The following RASA1 variants were observed in gnomAD, a reference collection of about 807,000 sequenced individuals.
RASA1 encodes ras GTPase-activating protein 1.
Under a neutral mutation model 132.2 loss-of-function variants are expected in RASA1, and 25 were observed. That is an observed-to-expected ratio of 0.19 (90% CI 0.14 to 0.26). The LOEUF is 0.26. RASA1 is among the 10% of genes least tolerant of loss of function. RASA1 has a pLI of 1.00. For missense variants in RASA1, 964 were observed against 1,299.2 expected (o/e 0.74, Z 3.97); for synonymous variants, 477 against 449.9 (o/e 1.06, Z -0.76).
intron 1 of RASA1, among the ~76,000 whole-genome samples, chr5:87,285,649 G>A (rs1425217524): frequency 1.5e-5 from 2 of 131,960 alleles, no homozygotes; most frequent in African/African-American, 2.9e-5. Context: ...ACAAAGTCTC[G>A]CTCTGTCGCC....
intron 20 of RASA1, among the ~76,000 whole-genome samples, chr5:87,382,745 A>C (rs192300916): frequency 8.3e-4 from 126 of 152,180 alleles, no homozygotes; most frequent in Admixed American, 5.9e-3. Context: ...TTGTTTTATA[A>C]TTTGACAACT....
chr5:87,332,164 C>T (rs1304722881), intron 2 of RASA1, among the ~76,000 whole-genome samples: 4 of 151,978 alleles, frequency 2.6e-5, no homozygotes, highest in African/African-American at 4.8e-5. Context: ...TCTGTGAGCT[C>T]CTTTTAGCCA....
chr5:87,270,571 T>G (rs1001271887), intron 1 of RASA1, among the ~76,000 whole-genome samples: 13 of 146,828 alleles, frequency 8.9e-5, no homozygotes, highest in Non-Finnish European at 1.5e-4. Context: ...GATGTCGAAC[T>G]CCTGACCTCA....
At chr5:87,388,083 T>C (rs1370454336) in intron 23 of RASA1, among the ~76,000 whole-genome samples, 5 of 152,174 alleles carry the variant, frequency 3.3e-5, no homozygotes, top group Non-Finnish European at 5.9e-5. Context: ...AAATAACTTT[T>C]GTTTTACCTC....
chr5:87,297,759 G>A (rs1462688131), intron 1 of RASA1, among the ~76,000 whole-genome samples: 1 of 152,158 alleles, frequency 6.6e-6, no homozygotes, highest in Non-Finnish European at 1.5e-5. Flanking sequence ...TACTGTAAGG[G>A]CATAGTAGAG....
intron 21 of RASA1, among the ~76,000 whole-genome samples, chr5:87,384,229 T>TA (rs1442607671): frequency 6.6e-6 from 1 of 152,124 alleles, no homozygotes; most frequent in Non-Finnish European, 1.5e-5. Flanking sequence ...TTCCTCCCGT[T>TA]AGAGATTTTT....
rs770325546 is a variant in RASA1, at chr5:87,389,499, C to T, written c.3032C>T (p.Thr1011Met). The change falls in exon 24 of 25, where the codon ACG becomes ATG. Residue 1011 changes from threonine (T) to methionine (M), a missense_variant. Around this residue, in one of 6 missense-constraint regions of RASA1, gnomAD observed 107 missense variants for 163.8 expected, o/e 0.65. Transcript: ENST00000274376. ...GTGGCTCATTCAGATGAACTTCGAA[C>T]GCTCAGTAATGAGCGTGGTGCACAG... is the stretch of plus-strand genomic sequence containing the variant. Reference protein sequence around the residue: ...ICVAHSDELRTLSNERGAQQH... With the variant: ...ICVAHSDELRMLSNERGAQQH... The T allele has an allele frequency of 5.0e-6, 8 of 1,613,984 alleles. No homozygotes were observed. The highest frequency in any genetic ancestry group is 2.2e-5 in the East Asian group (1 of 44,892).
intron 1 of RASA1, among the ~76,000 whole-genome samples, chr5:87,323,346 G>T (rs1298168242): frequency 1.3e-5 from 2 of 152,178 alleles, no homozygotes; most frequent in Admixed American, 6.5e-5. Context: ...ATGAATAATT[G>T]TAACTTGTTT....
At chr5:87,313,043 G>C (rs1039211022) in intron 1 of RASA1, among the ~76,000 whole-genome samples, 1 of 152,182 alleles carries the variant, frequency 6.6e-6, no homozygotes, top group Admixed American at 6.5e-5. Flanking sequence ...TGAATTGGAT[G>C]GGGGCTGAAC....
intron 11 of RASA1, among the ~76,000 whole-genome samples, chr5:87,365,192 C>A (rs1760415640): frequency 6.6e-6 from 1 of 151,982 alleles, no homozygotes; most frequent in South Asian, 2.1e-4. Context: ...TATAGGTGTC[C>A]CCTGAGATAC....
Position 87,372,154 on chromosome 5 carries a change from C to T in RASA1, c.1735C>T (p.Arg579Trp), listed in dbSNP as rs770599456. Reference sequence around the variant, plus strand: ...AGGTCTGCAGGCATTTTGCAATTTACGGAAAAGTAGTCCAGGGACATCCAA... The same window carrying T: ...AGGTCTGCAGGCATTTTGCAATTTATGGAAAAGTAGTCCAGGGACATCCAA... ...MKGLQAFCNL[R>W]KSSPGTSNKR... Residue 579 changes from arginine to tryptophan, a missense_variant, in exon 13 of 25, where the codon CGG (arginine) becomes TGG (tryptophan). Transcript: ENST00000274376. 3.7e-5 allele frequency: 60 copies of T among 1,613,450 alleles called. 2 individuals carry two copies. Among genetic ancestry groups the T allele is most frequent in the Admixed American group, 1.3e-4 (8 of 59,942 alleles).
rs1761258613 is a variant in RASA1 at position 87,375,412 on chromosome 5, C to T, written c.2011+496C>T. Among the ~76,000 whole-genome samples, 3 of 152,176 alleles carry T rather than the reference C, an allele frequency of 2.0e-5. No homozygotes were observed. In the South Asian group the frequency reaches 6.2e-4, roughly 32 times the overall value. On this transcript the variant is annotated intron_variant, in intron 15 of 24. Coordinates refer to ENST00000274376, the MANE Select transcript of RASA1 (RefSeq NM_002890.3). ...AGTATCTGGGACTACAGGCGCCCGC[C>T]ACCATACCTGGCTAAGTTTTGTATT... is the stretch of plus-strand genomic sequence containing the variant.
chr5:87,291,173 T>G (rs1046259702), intron 1 of RASA1, among the ~76,000 whole-genome samples: 1 of 152,164 alleles, frequency 6.6e-6, no homozygotes, highest in Non-Finnish European at 1.5e-5. Flanking sequence ...ATATCTTGTT[T>G]GAATATGCTG....
At position 87,268,657 on chromosome 5, in the gene RASA1, C is replaced by T; in HGVS notation, c.206C>T (p.Ser69Leu). Residue 69 changes from serine (S) to leucine (L), a missense_variant, in exon 1 of 25, where the codon TCA becomes TTA. By Grantham distance (145) the Ser-to-Leu change is moderately radical (BLOSUM62 -2). This residue lies in a region of RASA1 where 326 missense variants were observed against 275.8 expected (regional missense o/e 1.18). Transcript: ENST00000274376. ...CTGGGTGGCGGAGCCGCTTTGGGGTCAGAGTTCCTAGGAGCCGGGTCTGTG... is the reference window on the plus strand; with the variant it reads ...CTGGGTGGCGGAGCCGCTTTGGGGTTAGAGTTCCTAGGAGCCGGGTCTGTG... ...GTLGGGAALG[S>L]EFLGAGSVAG... 1.2e-6 allele frequency: 2 copies of T among 1,611,110 alleles called. No homozygotes were observed. The highest frequency in any genetic ancestry group is 1.7e-6 in the Non-Finnish European group (2 of 1,178,966).
chr5:87,342,020 G>A (rs922996161), intron 6 of RASA1, among the ~76,000 whole-genome samples: 1 of 152,086 alleles, frequency 6.6e-6, no homozygotes, highest in African/African-American at 2.4e-5. Context: ...GAATATGTAA[G>A]ATATATTCTG....
At chr5:87,294,825 T>G (rs994392269) in intron 1 of RASA1, among the ~76,000 whole-genome samples, 8 of 152,348 alleles carry the variant, frequency 5.3e-5, no homozygotes, top group Middle Eastern at 3.4e-3. Flanking sequence ...AGTCTGCTGT[T>G]GTTGGATGAA....
chr5:87,271,297 C>T lies in RASA1; in HGVS notation c.539+2307C>T, dbSNP rs575809369. ...AGCACTGCTTTTGAAAAAAATAGTT[C>T]AATTTTTATTAAATGCTAATAGCAT... is the stretch of plus-strand genomic sequence containing the variant. On this transcript the variant is annotated intron_variant, in intron 1 of 24. Transcript: ENST00000274376. Among the ~76,000 whole-genome samples the T allele has an allele frequency of 1.1e-4, 17 of 151,918 alleles. No homozygotes were observed. In the East Asian group the frequency reaches 3.1e-3, roughly 28 times the overall value.
At position 87,293,037 on chromosome 5, in the gene RASA1, T is replaced by C. The variant is rs181625779; in HGVS notation, c.539+24047T>C. Among the ~76,000 whole-genome samples the C allele has an allele frequency of 2.1e-3, 313 of 152,286 alleles. 4 individuals carry two copies. Among genetic ancestry groups the C allele is most frequent in the African/African-American group, 7.0e-3 (293 of 41,578 alleles). On this transcript the variant is annotated intron_variant, in intron 1 of 24. Transcript: ENST00000274376. ...TCTTTAGAATTTTCTACCTAGACAA[T>C]CCTGTCATCTGAGAACAAAGACAGT...
Position 87,391,536 on chromosome 5 carries a change from T to C in RASA1, c.*653T>C, listed in dbSNP as rs1762517086. On this transcript the variant is annotated 3_prime_UTR_variant, in exon 25 of 25. Transcript: ENST00000274376. ...TTTTTTAAACATACGACTTATTTTG[T>C]TGAAATTGTCAAAGACTGTATTTAG... 2 of 237,886 alleles carry C rather than the reference T, an allele frequency of 8.4e-6. No homozygotes were observed. The highest frequency in any genetic ancestry group is 1.2e-4 in the East Asian group (2 of 16,522). The allele number at this position is 237,886 out of a possible 1,614,324, so 14.7% of individuals were successfully genotyped here. A position where few individuals can be genotyped will look rare whatever the true frequency, so the allele number is the denominator to read the frequency against.
Sources: allele counts gnomAD v4.1 joint callset (sites outside exome capture counted in the v4.1 genomes callset), GRCh38; gene constraint gnomAD v4.1.1; regional missense constraint gnomAD v4.1.1; transcripts MANE v1.5; gene names NCBI Gene and HGNC (gene_info 2026-07-23, HGNC 2026-07-21).